Variants in SF3A3 observed in about 807,000 individuals in gnomAD.
The protein encoded by SF3A3 is splicing factor 3a subunit 3, also known as SAP 61.
SF3A3 carries 9 observed loss-of-function variants against 85.8 expected under a neutral mutation model. The observed-to-expected ratio is 0.10, with a 90% CI of 0.06 to 0.18. The LOEUF (loss-of-function observed/expected upper bound fraction) is 0.18. Ranked by LOEUF, SF3A3 falls within the 10% of genes least tolerant of loss-of-function variation. The pLI is 1.00. For missense variants in SF3A3, 306 were observed against 593.3 expected, an observed-to-expected ratio of 0.52 and a Z score of 5.03; for synonymous variants, 195 against 204.4, an observed-to-expected ratio of 0.95 and a Z score of 0.39.
intron 11 of SF3A3, among the ~76,000 whole-genome samples, chr1:37,977,658 G>A (rs1347184176): frequency 2.6e-5 from 4 of 151,698 alleles, no homozygotes; most frequent in East Asian, 1.9e-4. Flanking sequence ...GGCCAACATG[G>A]TGAAACCCCG....
chr1:37,968,019 G>A (rs1646315051), intron 15 of SF3A3, 25 bp downstream of exon 15: 18 of 1,440,160 alleles, frequency 1.2e-5, no homozygotes, highest in Non-Finnish European at 1.8e-5. Flanking sequence ...ACTCGCCTAG[G>A]AGACAGTAAA....
chr1:37,964,188 C>T (rs1337182117), intron 15 of SF3A3, among the ~76,000 whole-genome samples: 1 of 150,790 alleles, frequency 6.6e-6, no homozygotes, highest in Non-Finnish European at 1.5e-5. Flanking sequence ...AAATAAAAAA[C>T]AAGAACAAAA....
At chr1:37,981,894 A>T in intron 6 of SF3A3, 83 bp from the exon 7 acceptor site, 1 of 813,878 alleles carries the variant, frequency 1.2e-6, no homozygotes, top group South Asian at 1.7e-5. Flanking sequence ...AATAAGTGAG[A>T]TCAAAATTGA....
At chr1:37,970,581 T>C (rs1570459624) in intron 12 of SF3A3, among the ~76,000 whole-genome samples, 1 of 152,110 alleles carries the variant, frequency 6.6e-6, no homozygotes, top group Middle Eastern at 3.4e-3. Context: ...ATCACACTTA[T>C]TCCAAAATTG....
rs548382831 is a variant in SF3A3 at position 37,958,456 on chromosome 1, C to T, written c.1429-193G>A. 6.6e-5 allele frequency among the ~76,000 whole-genome samples: 10 copies of T among 152,296 alleles called. No homozygotes were observed. In the South Asian group the frequency reaches 1.7e-3, roughly 25 times the overall value. ...AGTCCCACTGCCCCAAAGCAGCCAC[C>T]GTGTGCAATGAATTAACTTCTCTCG... On this transcript the variant is annotated intron_variant, in intron 16 of 16. Transcript: ENST00000373019.
chr1:37,973,072 G>A (rs575793002), intron 12 of SF3A3, among the ~76,000 whole-genome samples: 2 of 152,138 alleles, frequency 1.3e-5, no homozygotes, highest in South Asian at 2.1e-4. Flanking sequence ...CCAGCTACTC[G>A]GGAGGCTGAG....
chr1:37,964,552 G>A (rs112590135), intron 15 of SF3A3, among the ~76,000 whole-genome samples: 2,033 of 152,178 alleles, frequency 0.013, 59 homozygotes, highest in African/African-American at 0.047. Flanking sequence ...AGATTGCAGT[G>A]AGCTGAGATC....
At chr1:37,972,759 A>C (rs926497995) in intron 12 of SF3A3, among the ~76,000 whole-genome samples, 1 of 152,240 alleles carries the variant, frequency 6.6e-6, no homozygotes, top group Non-Finnish European at 1.5e-5. Context: ...CCTGACAAAA[A>C]CAAGAAATGG....
chr1:37,983,256 TAAAAAAAAAA>T (rs71057113), intron 6 of SF3A3, among the ~76,000 whole-genome samples: 1 of 121,508 alleles, frequency 8.2e-6, no homozygotes, highest in Non-Finnish European at 1.7e-5. Flanking sequence ...GGTATTTATT[TAAAAAAAAAA>T]AAAAAAAAAA....
chr1:37,980,593 C>T lies in SF3A3; in HGVS notation c.683G>A (p.Gly228Glu). The change falls in exon 8 of 17, where the codon GGA becomes GAA. Residue 228 changes from glycine (G) to glutamate (E), a missense_variant. Around this residue, in one of 4 missense-constraint regions of SF3A3, gnomAD observed 136 missense variants for 296.6 expected, o/e 0.46. Transcript: ENST00000373019. The part of the protein sequence containing the change: ...EKKWENGTFP[G>E]WPKETSSALT... ...CATCCCACTGAAGCTCACCGGCCATCCAGGAAAGGTCCCATTCTCCCATTT... is the reference window on the plus strand; with the variant it reads ...CATCCCACTGAAGCTCACCGGCCATTCAGGAAAGGTCCCATTCTCCCATTT... 6.2e-7 allele frequency: 1 copy of T among 1,613,886 alleles called. No individual in the cohort carries two copies.
chr1:37,977,196 G>A (rs1263359992), intron 11 of SF3A3, among the ~76,000 whole-genome samples: 2 of 152,128 alleles, frequency 1.3e-5, no homozygotes, highest in African/African-American at 4.8e-5. Flanking sequence ...CATCAAGACC[G>A]CTTACATTTC....
intron 16 of SF3A3, among the ~76,000 whole-genome samples, chr1:37,959,157 C>A (rs1646240159): frequency 6.7e-6 from 1 of 149,542 alleles, no homozygotes; most frequent in Non-Finnish European, 1.5e-5. Context: ...CAGCTCACTG[C>A]ACCCTCGACA....
chr1:37,988,304 C>G (rs1282173969), intron 2 of SF3A3, among the ~76,000 whole-genome samples: 3 of 152,182 alleles, frequency 2.0e-5, no homozygotes, highest in Non-Finnish European at 1.5e-5. Context: ...CAGGATGGTA[C>G]AGGTACATAG....
intron 6 of SF3A3, among the ~76,000 whole-genome samples, chr1:37,982,539 T>G (rs1043462056): frequency 5.3e-5 from 8 of 151,590 alleles, no homozygotes; most frequent in African/African-American, 1.9e-4. Flanking sequence ...CCCGGCTAAT[T>G]TTTTCTATTT....
At chr1:37,980,505 T>A in intron 8 of SF3A3, 81 bp downstream of exon 8, 2 of 1,476,776 alleles carry the variant, frequency 1.4e-6, no homozygotes, top group Non-Finnish European at 1.9e-6. Context: ...CCTAATGCCC[T>A]AAAGTGGAAG....
chr1:37,975,642 G>A (rs1430191736), intron 12 of SF3A3, among the ~76,000 whole-genome samples: 5 of 152,186 alleles, frequency 3.3e-5, no homozygotes, highest in African/African-American at 4.8e-5. Context: ...GTTCACAGCG[G>A]AGAATATATC....
In SF3A3 at chr1:37,967,483, T is replaced by C. The variant is rs182536560; in HGVS notation, c.1372+561A>G. Reference sequence around the variant, plus strand: ...TCATGAGGTCAGGAGATCAAGACCATCCTGGCTAACACTGTGAAACCCTGT... The same window carrying C: ...TCATGAGGTCAGGAGATCAAGACCACCCTGGCTAACACTGTGAAACCCTGT... On this transcript the variant is annotated intron_variant, in intron 15 of 16. Coordinates refer to ENST00000373019, the MANE Select transcript of SF3A3 (RefSeq NM_006802.4). Among the ~76,000 whole-genome samples, 630 of 151,446 alleles carry C rather than the reference T, an allele frequency of 4.2e-3. 4 individuals carry two copies. Among genetic ancestry groups the C allele is most frequent in the African/African-American group, 9.4e-3 (389 of 41,252 alleles).
At chr1:37,965,828 G>A (rs1440739100) in intron 15 of SF3A3, among the ~76,000 whole-genome samples, 1 of 151,072 alleles carries the variant, frequency 6.6e-6, no homozygotes, top group South Asian at 2.1e-4. Context: ...AACAGTGGGG[G>A]GTGGGATGGG....
chr1:37,967,673 G>A lies in SF3A3; in HGVS notation c.1372+371C>T, dbSNP rs544927005. The stretch of plus-strand genomic sequence containing the variant: ...AACCTGGGCGACAGAGTGAGACTCC[G>A]TCACAAAAAAAAAAAAAAAAAAAAA... On this transcript the variant is annotated intron_variant, in intron 15 of 16. Coordinates refer to ENST00000373019, the MANE Select transcript of SF3A3 (RefSeq NM_006802.4). Among the ~76,000 whole-genome samples, 26 of 53,302 alleles carry A rather than the reference G, an allele frequency of 4.9e-4. No homozygotes were observed. In the South Asian group the frequency reaches 0.021, roughly 44 times the overall value. The allele number at this position is 53,302 out of a possible 152,430, so 35.0% of individuals were successfully genotyped here.
Sources: allele counts gnomAD v4.1 joint callset (sites outside exome capture counted in the v4.1 genomes callset), GRCh38; gene constraint gnomAD v4.1.1; regional missense constraint gnomAD v4.1.1; transcripts MANE v1.5; gene names NCBI Gene and HGNC (gene_info 2026-07-23, HGNC 2026-07-21).